Variants in AJAP1 observed in about 807,000 individuals in gnomAD.
The protein encoded by AJAP1 is adherens junctions associated protein 1, also known as adherens junction-associated protein 1.
A neutral mutation model predicts 35.0 loss-of-function variants in AJAP1; 5 were observed. The observed-to-expected ratio is 0.14, with a 90% CI of 0.07 to 0.30. The LOEUF (loss-of-function observed/expected upper bound fraction) is 0.30. AJAP1 is among the 10% of genes least tolerant of loss of function. AJAP1 has a pLI of 1.00. For synonymous variants in AJAP1, 284 were observed against 249.3 expected (o/e 1.14, Z -1.31); for missense variants, 586 against 571.0 (o/e 1.03, Z -0.27).
intron 1 of AJAP1, among the ~76,000 whole-genome samples, chr1:4,670,318 T>C (rs1570093161): frequency 6.6e-6 from 1 of 152,344 alleles, no homozygotes; most frequent in East Asian, 1.9e-4. Flanking sequence ...AGAGGAATTA[T>C]GAACCATTTT....
chr1:4,655,283 T>G lies in AJAP1; in HGVS notation c.-143T>G. 2.0e-6 allele frequency: 1 copy of G among 495,196 alleles called. No homozygotes were observed. The highest frequency in any genetic ancestry group is 2.7e-6 in the Non-Finnish European group (1 of 365,640). 30.7% of individuals were successfully genotyped at this position (495,196 alleles called of 1,614,324 possible). A position where few individuals can be genotyped will look rare whatever the true frequency, so the allele number is the denominator to read the frequency against. ...CGCGCGGCCGCGCTCTGACTCGCTG[T>G]GCGCCCCGCGGCCGGCGGGCGGCGG... On this transcript the variant is annotated 5_prime_UTR_variant, in exon 1 of 6. Coordinates refer to ENST00000378191, the MANE Select transcript of AJAP1 (RefSeq NM_018836.4). The surrounding 1 kb of genome is among the most constrained non-coding windows in gnomAD (Gnocchi z 6.9).
chr1:4,681,411 C>T (rs1291944950), intron 1 of AJAP1, among the ~76,000 whole-genome samples: 5 of 152,194 alleles, frequency 3.3e-5, no homozygotes, highest in Non-Finnish European at 7.3e-5. Flanking sequence ...CCAGCCACAC[C>T]CACCCTGGAC....
Position 4,654,688 on chromosome 1 carries a change from A to G in AJAP1, c.-738A>G, listed in dbSNP as rs1331177010. ...TGGGCGCGGGCGGCGGGGCCCCGGGATCCCCGCGCGCCTCCTCCGCGCGGC... is the reference window on the plus strand; with the variant it reads ...TGGGCGCGGGCGGCGGGGCCCCGGGGTCCCCGCGCGCCTCCTCCGCGCGGC... On this transcript the variant is annotated 5_prime_UTR_variant, in exon 1 of 6. Coordinates refer to ENST00000378191, the MANE Select transcript of AJAP1 (RefSeq NM_018836.4). This position sits in a 1 kb window ranked among gnomAD's most constrained non-coding sequence, Gnocchi z 5.1. The G allele has an allele frequency of 1.4e-5, 2 of 145,928 alleles. No homozygotes were observed. The highest frequency in any genetic ancestry group is 3.0e-5 in the Non-Finnish European group (2 of 65,750). 9.0% of individuals were successfully genotyped at this position (145,928 alleles called of 1,614,324 possible).
chr1:4,763,819 C>A (rs1377325449), intron 2 of AJAP1, among the ~76,000 whole-genome samples: 1 of 147,128 alleles, frequency 6.8e-6, no homozygotes, highest in Admixed American at 6.8e-5. Context: ...TCCCTCTCCC[C>A]CTCCCCCTCT....
At position 4,791,968 on chromosome 1, in the gene AJAP1, G is replaced by C. The variant is rs944685153; in HGVS notation, c.*9483G>C. On this transcript the variant is annotated 3_prime_UTR_variant, in exon 6 of 6. Coordinates refer to ENST00000378191, the MANE Select transcript of AJAP1 (RefSeq NM_018836.4). Reference sequence around the variant, plus strand: ...ACAGGACAAGAAATTAAACAGCAACGGCCACATGGCCTCTTTTTTCACAGG... The same window carrying C: ...ACAGGACAAGAAATTAAACAGCAACCGCCACATGGCCTCTTTTTTCACAGG... 1.3e-5 allele frequency: 2 copies of C among 151,944 alleles called. No homozygotes were observed. Among genetic ancestry groups the C allele is most frequent in the Non-Finnish European group, 2.9e-5 (2 of 68,022 alleles). 9.4% of individuals were successfully genotyped at this position (151,944 alleles called of 1,614,324 possible).
chr1:4,695,574 G>A (rs1428973055), intron 1 of AJAP1, among the ~76,000 whole-genome samples: 5 of 152,298 alleles, frequency 3.3e-5, no homozygotes, highest in East Asian at 1.9e-4. Flanking sequence ...AGACTGAGTG[G>A]TTTAAAGAAG....
chr1:4,678,199 C>T (rs549899934), intron 1 of AJAP1, among the ~76,000 whole-genome samples: 23 of 152,318 alleles, frequency 1.5e-4, no homozygotes, highest in Admixed American at 1.4e-3. Flanking sequence ...TGAAGAAGAA[C>T]AAATATTTGT....
chr1:4,697,007 TTCTC>T (rs980504711), intron 1 of AJAP1, among the ~76,000 whole-genome samples: 17 of 151,990 alleles, frequency 1.1e-4, no homozygotes, highest in African/African-American at 2.9e-4. Flanking sequence ...TGTGCATGCT[TTCTC>T]TACGCACACA....
chr1:4,655,815 C>G lies in AJAP1; in HGVS notation c.29+361C>G, dbSNP rs891945060. Among the ~76,000 whole-genome samples, 1 of 148,470 alleles carries G rather than the reference C, an allele frequency of 6.7e-6. No homozygotes were observed. The highest frequency in any genetic ancestry group is 1.5e-5 in the Non-Finnish European group (1 of 66,822). On this transcript the variant is annotated intron_variant, in intron 1 of 5. Coordinates refer to ENST00000378191, the MANE Select transcript of AJAP1 (RefSeq NM_018836.4). This position sits in a 1 kb window ranked among gnomAD's most constrained non-coding sequence, Gnocchi z 6.9. ...CTCCCCGGGGCCCGGGGCGAGGCGC[C>G]GGCCGCTGGGCGCGGCGGGCGCGGG...
intron 4 of AJAP1, 85 bp downstream of exon 4, chr1:4,772,610 C>T: frequency 6.4e-7 from 1 of 1,559,744 alleles, no homozygotes; most frequent in Non-Finnish European, 8.7e-7. Context: ...GAGCTGAGAG[C>T]TGTTGGTCGG....
intron 1 of AJAP1, among the ~76,000 whole-genome samples, chr1:4,705,395 CTTTTTTTT>C (rs58022692): frequency 1.4e-3 from 33 of 23,802 alleles, no homozygotes; most frequent in South Asian, 7.4e-3. Flanking sequence ...TTTTGAAGAG[CTTTTTTTT>C]TTTTTTTTTT....
At chr1:4,729,689 C>T (rs996124280) in intron 2 of AJAP1, among the ~76,000 whole-genome samples, 5 of 133,326 alleles carry the variant, frequency 3.8e-5, no homozygotes, top group African/African-American at 8.4e-5. Flanking sequence ...GGGCCCACCC[C>T]GATGGCCTCA....
At chr1:4,675,160 C>A (rs901303624) in intron 1 of AJAP1, among the ~76,000 whole-genome samples, 1 of 152,194 alleles carries the variant, frequency 6.6e-6, no homozygotes, top group Non-Finnish European at 1.5e-5. Context: ...AGGGAGTAGT[C>A]CACAAGACCA....
intron 2 of AJAP1, among the ~76,000 whole-genome samples, chr1:4,741,145 G>T (rs952890609): frequency 3.3e-5 from 5 of 152,122 alleles, no homozygotes; most frequent in African/African-American, 1.2e-4. Context: ...GAAAACGGGA[G>T]CTAGGTTTCT....
At chr1:4,718,702 C>T (rs895094189) in intron 2 of AJAP1, among the ~76,000 whole-genome samples, 2 of 152,008 alleles carry the variant, frequency 1.3e-5, no homozygotes, top group Non-Finnish European at 1.5e-5. Context: ...AGGATGGTCT[C>T]GATCTCTTGA....
At chr1:4,755,693 T>G (rs1178191630) in intron 2 of AJAP1, among the ~76,000 whole-genome samples, 1 of 152,202 alleles carries the variant, frequency 6.6e-6, no homozygotes, top group Admixed American at 6.5e-5. Flanking sequence ...AATGCTTTAC[T>G]TGGGGCCATC....
At chr1:4,679,881 C>T (rs1639447251) in intron 1 of AJAP1, among the ~76,000 whole-genome samples, 3 of 151,212 alleles carry the variant, frequency 2.0e-5, no homozygotes, top group Admixed American at 2.0e-4. Context: ...GGAGTTGGCT[C>T]ACATGATCAG....
At position 4,691,610 on chromosome 1, in the gene AJAP1, G is replaced by A. The variant is rs554198261; in HGVS notation, c.30-20290G>A. ...GAGAGTCGGAGCTAACTCCGGGCTCGGGGAACACCCGGGCAGACACTGGTG... is the reference window on the plus strand; with the variant it reads ...GAGAGTCGGAGCTAACTCCGGGCTCAGGGAACACCCGGGCAGACACTGGTG... On this transcript the variant is annotated intron_variant, in intron 1 of 5. Coordinates refer to ENST00000378191, the MANE Select transcript of AJAP1 (RefSeq NM_018836.4). Among the ~76,000 whole-genome samples, 6 of 152,286 alleles carry A rather than the reference G, an allele frequency of 3.9e-5. 1 individual carries two copies. Among genetic ancestry groups the A allele is most frequent in the South Asian group, 4.2e-4 (2 of 4,814 alleles).
At chr1:4,759,037 G>T (rs1000520195) in intron 2 of AJAP1, among the ~76,000 whole-genome samples, 1 of 152,208 alleles carries the variant, frequency 6.6e-6, no homozygotes, top group Admixed American at 6.5e-5. Context: ...ACTTGGTCAC[G>T]TTCATTATAT....
Sources: gnomAD v4.1 joint callset for allele counts (sites outside exome capture counted in the v4.1 genomes callset) on GRCh38, gnomAD v4.1.1 for gene constraint, Gnocchi (gnomAD v3.1) non-coding constraint, MANE v1.5 for transcripts, NCBI Gene and HGNC (gene_info 2026-07-23, HGNC 2026-07-21) for gene names.